TSHZ3: variants seen among roughly 807,000 people sequenced by gnomAD.
TSHZ3 encodes the protein teashirt homolog 3.
Under a neutral mutation model 64.5 loss-of-function variants are expected in TSHZ3, and 10 were observed. The observed-to-expected ratio is 0.16, with a 90% confidence interval of 0.10 to 0.26. The LOEUF is 0.26. Ranked by LOEUF, TSHZ3 falls within the 10% of genes least tolerant of loss-of-function variation. The pLI, the probability that TSHZ3 is intolerant of heterozygous loss-of-function variation, is 1.00. For missense variants in TSHZ3, 1,242 were observed against 1,421.7 expected, an observed-to-expected ratio of 0.87 and a Z score of 2.03; for synonymous variants, 608 against 593.1, an observed-to-expected ratio of 1.03 and a Z score of -0.36.
At chr19:31,270,473 T>C (rs900586712), downstream of TSHZ3, among the ~76,000 whole-genome samples, 14 of 152,192 alleles carry the variant, frequency 9.2e-5, no homozygotes, top group Non-Finnish European at 4.4e-5. Context: ...GCTCAGCTAA[T>C]TTCTATTTTT....
intron 1 of TSHZ3, among the ~76,000 whole-genome samples, chr19:31,304,328 C>G (rs528673100): frequency 9.2e-5 from 14 of 152,162 alleles, no homozygotes; most frequent in Non-Finnish European, 1.5e-5. Context: ...CAGAAACTTG[C>G]TCAAGGGGAC....
At chr19:31,342,658 T>G (rs1917472102) in intron 1 of TSHZ3, among the ~76,000 whole-genome samples, 1 of 152,244 alleles carries the variant, frequency 6.6e-6, no homozygotes, top group African/African-American at 2.4e-5. Context: ...CTAGATTTAA[T>G]GATGGGAATG....
At chr19:31,234,539 T>G (rs1174938395) in intron 3 of TSHZ3, among the ~76,000 whole-genome samples, 1 of 152,214 alleles carries the variant, frequency 6.6e-6, no homozygotes, top group Non-Finnish European at 1.5e-5. Context: ...ACGATCAGGT[T>G]GAGAAGGTTT....
At chr19:31,291,006 C>A (rs1399748144) in intron 1 of TSHZ3, among the ~76,000 whole-genome samples, 1 of 152,248 alleles carries the variant, frequency 6.6e-6, no homozygotes, top group Non-Finnish European at 1.5e-5. Context: ...ATGCTTTCAT[C>A]CCAAGAAAAG....
At chr19:31,265,314 T>G (rs1280847863) in intron 1 of TSHZ3, among the ~76,000 whole-genome samples, 1 of 145,862 alleles carries the variant, frequency 6.9e-6, no homozygotes, top group Non-Finnish European at 1.5e-5. Flanking sequence ...GGAGAATCAC[T>G]TGAACCTGGG....
At chr19:31,170,947 T>C (rs533738418) in intron 5 of TSHZ3, among the ~76,000 whole-genome samples, 1 of 152,196 alleles carries the variant, frequency 6.6e-6, no homozygotes, top group African/African-American at 2.4e-5. Flanking sequence ...AAAAGAAGAA[T>C]GATGTCTTTT....
intron 6 of TSHZ3, among the ~76,000 whole-genome samples, chr19:31,155,260 T>C (rs539592114): frequency 6.6e-6 from 1 of 152,340 alleles, no homozygotes; most frequent in African/African-American, 2.4e-5. Context: ...TGTCCTGGAA[T>C]CCTTTGTACC....
At chr19:31,259,651 T>TA (rs370991502) in intron 1 of TSHZ3, among the ~76,000 whole-genome samples, 4,529 of 141,512 alleles carry the variant, frequency 0.032, 106 homozygotes, top group Non-Finnish European at 0.052. Context: ...TTGCTGGAAA[T>TA]AAAAAAAAAA....
At chr19:31,204,891 G>C (rs1975143126) in intron 5 of TSHZ3, 2 of 152,358 alleles carry the variant, frequency 1.3e-5, no homozygotes, top group African/African-American at 4.8e-5. Context: ...GACACAGGGA[G>C]CTGGAGCTGG....
intron 1 of TSHZ3, among the ~76,000 whole-genome samples, chr19:31,251,999 C>A (rs1975850265): frequency 6.6e-6 from 1 of 152,204 alleles, no homozygotes. Flanking sequence ...CTCTGTATCC[C>A]TAAGCACCCC....
At chr19:31,337,492 C>G (rs755541841) in intron 1 of TSHZ3, among the ~76,000 whole-genome samples, 5 of 152,202 alleles carry the variant, frequency 3.3e-5, no homozygotes, top group Non-Finnish European at 7.3e-5. Flanking sequence ...ACCTTCAACA[C>G]TGCCCAAGTG....
At chr19:31,264,407 T>G (rs1308611136) in intron 1 of TSHZ3, among the ~76,000 whole-genome samples, 4 of 152,244 alleles carry the variant, frequency 2.6e-5, no homozygotes, top group African/African-American at 9.6e-5. Context: ...TTTTTCCCCA[T>G]CTGCCTCCTC....
chr19:31,322,956 T>C (rs952719529), intron 1 of TSHZ3, among the ~76,000 whole-genome samples: 4 of 152,228 alleles, frequency 2.6e-5, no homozygotes, highest in African/African-American at 9.6e-5. Context: ...TAAAGGCATA[T>C]AGAAGAAAGC....
chr19:31,337,993 T>G, intron 1 of TSHZ3, among the ~76,000 whole-genome samples: 1 of 152,242 alleles, frequency 6.6e-6, no homozygotes, highest in East Asian at 1.9e-4. Context: ...ACAACAAGCC[T>G]TTGATTTCAT....
At chr19:31,341,114 G>A (rs1438970659) in intron 1 of TSHZ3, among the ~76,000 whole-genome samples, 2 of 152,170 alleles carry the variant, frequency 1.3e-5, no homozygotes, top group African/African-American at 4.8e-5. Context: ...GAGGCCTCCA[G>A]ACCTCTGTAA....
intron 1 of TSHZ3, among the ~76,000 whole-genome samples, chr19:31,303,102 A>C (rs1395900320): frequency 6.6e-6 from 1 of 152,202 alleles, no homozygotes; most frequent in Non-Finnish European, 1.5e-5. Flanking sequence ...ACGTTTGAAC[A>C]AACAACTCCA....
At position 31,262,678 on chromosome 19, in the gene TSHZ3, C is replaced by A. The variant is rs935944424; in HGVS notation, n.64-19803G>T. Among the ~76,000 whole-genome samples, 7 of 152,112 alleles carry A rather than the reference C, an allele frequency of 4.6e-5. No individual in the cohort carries two copies. The South Asian group carries it at 1.5e-3, about 32-fold the overall frequency. ...ATCTATATCCTCAATTTTATTTATG[C>A]CATAAACTGTTCCTATATTTTAATG... On this transcript the variant is annotated intron_variant and non_coding_transcript_variant, in intron 1 of 6. Coordinates refer to the TSHZ3 transcript ENST00000651361.
chr19:31,327,691 T>C (rs1410758189), intron 1 of TSHZ3, among the ~76,000 whole-genome samples: 2 of 152,194 alleles, frequency 1.3e-5, no homozygotes, highest in African/African-American at 4.8e-5. Flanking sequence ...TATATGTAAC[T>C]GAGCCAGGCA....
chr19:31,262,397 T>C (rs1405017775), intron 1 of TSHZ3, among the ~76,000 whole-genome samples: 1 of 152,170 alleles, frequency 6.6e-6, no homozygotes, highest in Non-Finnish European at 1.5e-5. Context: ...GCTGGGTAAA[T>C]GCTACCATTT....
Sources: gnomAD v4.1 joint callset for allele counts (sites outside exome capture counted in the v4.1 genomes callset) on GRCh38, gnomAD v4.1.1 for gene constraint, MANE v1.5 for transcripts, NCBI Gene and HGNC (gene_info 2026-07-23, HGNC 2026-07-21) for gene names.